MTTP: variants seen among roughly 807,000 people sequenced by gnomAD.
MTTP encodes the protein microsomal triglyceride transfer protein large subunit.
In MTTP, 49 loss-of-function variants were observed where a neutral mutation model predicts 90.6. The observed-to-expected ratio is 0.54, with a 90% CI of 0.43 to 0.69. The LOEUF is 0.69. MTTP is among the 30% of genes least tolerant of loss of function. The probability of loss-of-function intolerance (pLI) is 0.00; values close to 1 mark genes in which losing one functional copy is unlikely to be tolerated. For synonymous variants in MTTP, 347 were observed against 384.2 expected, an observed-to-expected ratio of 0.90 and a Z score of 1.13; for missense variants, 945 against 1,067.5, an observed-to-expected ratio of 0.89 and a Z score of 1.60.
chr4:99,582,092 G>C lies in MTTP; in HGVS notation c.249G>C (p.Thr83=). The C allele has an allele frequency of 6.2e-7, 1 of 1,614,072 alleles. No homozygotes were observed. The highest frequency in any genetic ancestry group is 1.1e-5 in the South Asian group (1 of 91,078). Residue 83 remains threonine, a splice_region_variant and synonymous_variant, in exon 2 of 18, where the codon ACG becomes ACC. Coordinates refer to ENST00000265517, the MANE Select transcript of MTTP (RefSeq NM_001386140.1). Reference sequence around the variant, plus strand: ...ATGATGACCAGTTGATCCAAATAACGGTGGGCATTTTCTACCAGATAAATG... The same window carrying C: ...ATGATGACCAGTTGATCCAAATAACCGTGGGCATTTTCTACCAGATAAATG... ...DGDDDQLIQI[T]MKDVNVENVN...
intron 10 of MTTP, 95 bp from the exon 11 acceptor site, chr4:99,606,652 GT>G: frequency 8.2e-7 from 1 of 1,213,458 alleles, no homozygotes; most frequent in South Asian, 1.2e-5. Context: ...TTGTAAAACT[GT>G]AGGTTGCTTT....
intron 4 of MTTP, among the ~76,000 whole-genome samples, chr4:99,589,963 A>C (rs943965913): frequency 3.3e-5 from 5 of 152,126 alleles, no homozygotes; most frequent in African/African-American, 1.2e-4. Flanking sequence ...ATTTATACTA[A>C]AGGAGCTTCG....
intron 10 of MTTP, among the ~76,000 whole-genome samples, chr4:99,606,443 A>C (rs1725818305): frequency 6.6e-6 from 1 of 152,210 alleles, no homozygotes; most frequent in Non-Finnish European, 1.5e-5. Context: ...TTTTTGAATA[A>C]CCAATCACAA....
chr4:99,589,677 T>G lies in MTTP; in HGVS notation c.428T>G (p.Val143Gly). The change falls in exon 4 of 18, where the codon GTG becomes GGG. Residue 143 changes from valine to glycine, a missense_variant. Coordinates refer to ENST00000265517, the MANE Select transcript of MTTP (RefSeq NM_001386140.1). ...KEFYSYQNEA[V>G]AIENIKRGLA... ...TTCTACTCATATCAAAATGAGGCAG[T>G]GGCCATAGAAAATATCAAGAGAGGT... 1.2e-6 allele frequency: 2 copies of G among 1,610,052 alleles called. No individual in the cohort carries two copies. Among genetic ancestry groups the G allele is most frequent in the Non-Finnish European group, 1.7e-6 (2 of 1,176,596 alleles).
At chr4:99,566,082 G>T (rs1306190388) in intron 1 of MTTP, among the ~76,000 whole-genome samples, 1 of 152,020 alleles carries the variant, frequency 6.6e-6, no homozygotes, top group Non-Finnish European at 1.5e-5. Context: ...GAGGTCAGGA[G>T]ATCAAGACCA....
At chr4:99,590,196 A>G (rs1031792838) in intron 4 of MTTP, among the ~76,000 whole-genome samples, 2 of 152,008 alleles carry the variant, frequency 1.3e-5, no homozygotes, top group Non-Finnish European at 2.9e-5. Context: ...CCCAGGTTCA[A>G]GCGATTCTCC....
chr4:99,617,050 C>T (rs1473377706), intron 15 of MTTP, among the ~76,000 whole-genome samples: 1 of 152,178 alleles, frequency 6.6e-6, no homozygotes, highest in Non-Finnish European at 1.5e-5. Context: ...CACACCATAG[C>T]TTTCATTTGG....
rs1724949334 is a variant in MTTP at position 99,576,015 on chromosome 4, T to G, written c.61+1045T>G. ...AGGAAAAAAACCTAATCTTCATTAT[T>G]GGAGCAATAGAGGGTTAAATTTAAA... On this transcript the variant is annotated intron_variant, in intron 1 of 17. Coordinates refer to ENST00000265517, the MANE Select transcript of MTTP (RefSeq NM_001386140.1). 3.9e-5 allele frequency among the ~76,000 whole-genome samples: 6 copies of G among 152,350 alleles called. No homozygotes were observed. The South Asian group carries it at 1.2e-3, about 32-fold the overall frequency.
intron 1 of MTTP, among the ~76,000 whole-genome samples, chr4:99,580,574 CAAAAA>C (rs563138284): frequency 0.13 from 4,975 of 39,466 alleles, 105 homozygotes; most frequent in African/African-American, 0.22. Context: ...GACTCTGTCT[CAAAAA>C]AAAAAAAAAA....
chr4:99,564,426 AGTG>A, intron 1 of MTTP: 1 of 574,088 alleles, frequency 1.7e-6, no homozygotes. Context: ...AAATTCAAAA[AGTG>A]AGTCAGATTC....
intron 9 of MTTP, 32 bp from the exon 10 acceptor site, chr4:99,601,575 G>C (rs747225860): frequency 2.1e-6 from 3 of 1,403,156 alleles, no homozygotes; most frequent in East Asian, 4.6e-5. Flanking sequence ...TAAATGTCTT[G>C]GTAACCTATT....
intron 1 of MTTP, 96 bp from the exon 2 acceptor site, chr4:99,581,809 C>G (rs879579294): frequency 9.5e-6 from 12 of 1,256,898 alleles, no homozygotes; most frequent in African/African-American, 1.5e-5. Flanking sequence ...ATTTACCAAG[C>G]TTCCTGAGCC....
intron 1 of MTTP, among the ~76,000 whole-genome samples, chr4:99,579,363 G>T (rs1725042743): frequency 6.6e-6 from 1 of 152,128 alleles, no homozygotes; most frequent in East Asian, 1.9e-4. Context: ...TTTATTTCCA[G>T]CCTCTTTGGT....
rs537664467 is a variant in MTTP at position 99,606,184 on chromosome 4, G to A, written c.1345-564G>A. Among the ~76,000 whole-genome samples, 320 of 152,240 alleles carry A rather than the reference G, an allele frequency of 2.1e-3. 1 individual carries two copies. The highest frequency in any genetic ancestry group is 3.3e-3 in the Non-Finnish European group (222 of 68,004). On this transcript the variant is annotated intron_variant, in intron 10 of 17. Coordinates refer to ENST00000265517, the MANE Select transcript of MTTP (RefSeq NM_001386140.1). ...GGACAAAAGGACTTTTCTGATTGTA[G>A]AACATATTTGAAAAGTACCTAGTAA... is the stretch of plus-strand genomic sequence containing the variant.
rs1398639211 is a variant in MTTP at position 99,623,797 on chromosome 4, AT to A, written c.*950del. 2.0e-5 allele frequency: 3 copies of A among 152,324 alleles called. No individual in the cohort carries two copies. Among genetic ancestry groups the A allele is most frequent in the Non-Finnish European group, 2.9e-5 (2 of 68,032 alleles). 9.4% of individuals were successfully genotyped at this position (152,324 alleles called of 1,614,324 possible). A position where few individuals can be genotyped will look rare whatever the true frequency, so the allele number is the denominator to read the frequency against. ...TCCAAAATATGAAATAAGGAAAAAA[AT>A]GTTTTTATTTGTATGAATTAAAAGA... On this transcript the variant is annotated 3_prime_UTR_variant, in exon 18 of 18. Transcript: ENST00000265517.
chr4:99,602,246 A>C (rs556816496), intron 10 of MTTP, among the ~76,000 whole-genome samples: 1 of 152,054 alleles, frequency 6.6e-6, no homozygotes, highest in Non-Finnish European at 1.5e-5. Flanking sequence ...TTTCAATTTC[A>C]TTTGCCTAAA....
At chr4:99,573,500 T>G (rs1724884102), upstream of MTTP, among the ~76,000 whole-genome samples, 1 of 152,206 alleles carries the variant, frequency 6.6e-6, no homozygotes, top group African/African-American at 2.4e-5. Flanking sequence ...CTAGGTACTA[T>G]AGCTATATTT....
At chr4:99,567,515 G>A (rs1057393914) in intron 1 of MTTP, among the ~76,000 whole-genome samples, 1 of 152,092 alleles carries the variant, frequency 6.6e-6, no homozygotes, top group African/African-American at 2.4e-5. Context: ...ATGTGAGGTC[G>A]GCGTCAAAAC....
intron 1 of MTTP, among the ~76,000 whole-genome samples, chr4:99,578,901 C>A (rs1401132726): frequency 6.6e-6 from 1 of 152,168 alleles, no homozygotes; most frequent in Admixed American, 6.5e-5. Flanking sequence ...TTCCTTTATG[C>A]CCTATGTGGA....
Sources: gnomAD v4.1 joint callset for allele counts (sites outside exome capture counted in the v4.1 genomes callset) on GRCh38, gnomAD v4.1.1 for gene constraint, MANE v1.5 for transcripts, NCBI Gene and HGNC (gene_info 2026-07-23, HGNC 2026-07-21) for gene names.